The following MCM9 variants were observed in gnomAD, a reference collection of about 807,000 sequenced individuals.
MCM9 encodes DNA helicase MCM9.
In MCM9, 55 loss-of-function variants were observed where a neutral mutation model predicts 72.8. That is an observed-to-expected ratio of 0.76 (90% CI 0.61 to 0.95). The LOEUF (loss-of-function observed/expected upper bound fraction) is 0.95. Ranked by LOEUF, MCM9 falls within the 40% of genes least tolerant of loss-of-function variation. MCM9 has a pLI of 0.00. For missense variants in MCM9, 1,279 were observed against 1,377.0 expected (o/e 0.93, Z 1.13); for synonymous variants, 480 against 503.4 (o/e 0.95, Z 0.62).
rs928599939 is a variant in MCM9 at position 118,903,623 on chromosome 6, G to A, written c.1150+8027C>T. 2.6e-5 allele frequency among the ~76,000 whole-genome samples: 4 copies of A among 152,168 alleles called. No individual in the cohort carries two copies. In the South Asian group the frequency reaches 8.3e-4, roughly 32 times the overall value. ...GATTCTACCTTCTGAGTTAGAAAGG[G>A]CGTCACTGAGAATACACTCGATGTA... is the stretch of plus-strand genomic sequence containing the variant. On this transcript the variant is annotated intron_variant, in intron 8 of 13. Coordinates refer to ENST00000619706, the MANE Select transcript of MCM9 (RefSeq NM_017696.3).
intron 9 of MCM9, among the ~76,000 whole-genome samples, chr6:118,848,469 T>C (rs1411197193): frequency 6.6e-6 from 1 of 151,916 alleles, no homozygotes; most frequent in Non-Finnish European, 1.5e-5. Context: ...CACTCCCATC[T>C]GTTTACATAT....
intron 13 of MCM9, among the ~76,000 whole-genome samples, chr6:118,816,861 T>C (rs567361401): frequency 2.0e-4 from 30 of 152,282 alleles, no homozygotes; most frequent in Middle Eastern, 3.4e-3. Context: ...GATACTTCTG[T>C]ACTGGTGCTC....
chr6:118,934,506 T>G (rs1248011123), intron 1 of MCM9: 2 of 151,630 alleles, frequency 1.3e-5, no homozygotes, highest in East Asian at 1.9e-4. Flanking sequence ...CGCCTGCACC[T>G]GCCGGGAGCC....
At chr6:118,914,158 A>C (rs1227900544) in intron 6 of MCM9, among the ~76,000 whole-genome samples, 1 of 152,210 alleles carries the variant, frequency 6.6e-6, no homozygotes, top group African/African-American at 2.4e-5. Flanking sequence ...TTACAGGGGC[A>C]TCAAGGCATT....
chr6:118,888,726 T>A (rs544233712), intron 8 of MCM9, among the ~76,000 whole-genome samples: 1 of 152,040 alleles, frequency 6.6e-6, no homozygotes, highest in South Asian at 2.1e-4. Flanking sequence ...ACCTATACAA[T>A]GGAAAATTAT....
chr6:118,824,035 CTTTTTTTTTTTTTTTTTTTTTTTT>C (rs137881254), intron 13 of MCM9, among the ~76,000 whole-genome samples: 1 of 54,294 alleles, frequency 1.8e-5, no homozygotes, highest in African/African-American at 7.6e-5. Flanking sequence ...GCAAACCCAC[CTTTTTTTTTTTTTTTTTTTTTTTT>C]TTTTTTTTTT....
rs116227099 is a variant in MCM9 at position 118,899,466 on chromosome 6, G to A, written c.1150+12184C>T. Among the ~76,000 whole-genome samples, 605 of 152,116 alleles carry A rather than the reference G, an allele frequency of 4.0e-3. 2 individuals carry two copies. Among genetic ancestry groups the A allele is most frequent in the African/African-American group, 0.014 (572 of 41,474 alleles). On this transcript the variant is annotated intron_variant, in intron 8 of 13. Coordinates refer to ENST00000619706, the MANE Select transcript of MCM9 (RefSeq NM_017696.3). The stretch of plus-strand genomic sequence containing the variant: ...GGCCTTTGTATTTGCTGTTCCCTCT[G>A]GCGAGATACTTATATTGCCTACTTC...
chr6:118,902,739 A>T (rs1562431063), intron 8 of MCM9, among the ~76,000 whole-genome samples: 1 of 152,206 alleles, frequency 6.6e-6, no homozygotes, highest in Non-Finnish European at 1.5e-5. Flanking sequence ...TGTTGCCAAA[A>T]AGAACAGAGG....
At chr6:118,910,773 C>T (rs1199714420) in intron 8 of MCM9, 8 of 985,278 alleles carry the variant, frequency 8.1e-6, no homozygotes, top group Non-Finnish European at 9.6e-6. Flanking sequence ...GGTTAATATA[C>T]TGTTGAGTTA....
Position 118,923,937 on chromosome 6 carries a change from G to A in MCM9, c.495C>T (p.Thr165=). The change falls in exon 4 of 14, where the codon ACC becomes ACT. Residue 165 remains threonine (T), a synonymous_variant. Coordinates refer to ENST00000619706, the MANE Select transcript of MCM9 (RefSeq NM_017696.3). ...TGGGACACGAGGATGGCCGGCAAAA[G>A]GTGTAATACTGCTCAAAGTCAGCCT... is the stretch of plus-strand genomic sequence containing the variant. ...VIKADFEQYY[T]FCRPSSCPSL... 6.2e-7 allele frequency: 1 copy of A among 1,614,182 alleles called. No individual in the cohort carries two copies. Among genetic ancestry groups the A allele is most frequent in the Non-Finnish European group, 8.5e-7 (1 of 1,180,038 alleles).
At chr6:118,818,577 G>T (rs1165460149) in intron 13 of MCM9, among the ~76,000 whole-genome samples, 1 of 152,124 alleles carries the variant, frequency 6.6e-6, no homozygotes, top group Non-Finnish European at 1.5e-5. Context: ...CTCCAGCTTT[G>T]TTCTTTTTGC....
intron 8 of MCM9, chr6:118,910,875 T>G: frequency 1.0e-6 from 1 of 985,376 alleles, no homozygotes; most frequent in Non-Finnish European, 1.2e-6. Context: ...TTTAAAGTGT[T>G]AGTTTCTCAT....
intron 8 of MCM9, among the ~76,000 whole-genome samples, chr6:118,906,351 G>A (rs999889811): frequency 6.6e-6 from 1 of 152,184 alleles, no homozygotes; most frequent in African/African-American, 2.4e-5. Flanking sequence ...GGGATTACAG[G>A]TGTGAGCCAC....
At chr6:118,902,928 C>T (rs1038398102) in intron 8 of MCM9, among the ~76,000 whole-genome samples, 1 of 152,320 alleles carries the variant, frequency 6.6e-6, no homozygotes, top group African/African-American at 2.4e-5. Context: ...CAAAGGCTAG[C>T]AGGAAGATGT....
chr6:118,919,473 G>GCATTTACTGA lies in MCM9; in HGVS notation c.704-1713_704-1712insTCAGTAAATG, dbSNP rs529521791. The GCATTTACTGA allele has an allele frequency of 5.3e-3, 803 of 152,126 alleles. 8 individuals are homozygous for GCATTTACTGA. Among genetic ancestry groups the GCATTTACTGA allele is most frequent in the African/African-American group, 0.019 (777 of 41,494 alleles). 9.4% of individuals were successfully genotyped at this position (152,126 alleles called of 1,614,324 possible). A position where few individuals can be genotyped will look rare whatever the true frequency, so the allele number is the denominator to read the frequency against. On this transcript the variant is annotated intron_variant, in intron 5 of 13. Transcript: ENST00000619706. ...TTACTTAATGCAGTATCTAGAAGAC[G>GCATTTACTGA]GCAAGTGCTCAGTAAATATTAGCTC...
At chr6:118,897,805 G>A (rs762651761) in intron 8 of MCM9, among the ~76,000 whole-genome samples, 1 of 151,664 alleles carries the variant, frequency 6.6e-6, no homozygotes, top group South Asian at 2.1e-4. Context: ...AGGGGGCAGA[G>A]GAATTAAATG....
chr6:118,873,636 T>C (rs545981827), intron 8 of MCM9, among the ~76,000 whole-genome samples: 1 of 152,280 alleles, frequency 6.6e-6, no homozygotes, highest in African/African-American at 2.4e-5. Context: ...CAGTAATTAA[T>C]AACCTTCCAA....
chr6:118,926,392 T>C (rs761574403), intron 3 of MCM9, among the ~76,000 whole-genome samples: 3 of 152,244 alleles, frequency 2.0e-5, no homozygotes, highest in Non-Finnish European at 2.9e-5. Context: ...GACTATTTCA[T>C]GTTATTTATT....
chr6:118,846,363 T>A, intron 9 of MCM9, among the ~76,000 whole-genome samples: 1 of 150,670 alleles, frequency 6.6e-6, no homozygotes, highest in South Asian at 2.1e-4. Context: ...CTTACTGGAG[T>A]GGAAAGATCA....
Sources: gnomAD v4.1 joint callset for allele counts (sites outside exome capture counted in the v4.1 genomes callset) on GRCh38, gnomAD v4.1.1 for gene constraint, MANE v1.5 for transcripts, NCBI Gene and HGNC (gene_info 2026-07-23, HGNC 2026-07-21) for gene names.